Variants in FCSK observed in about 807,000 individuals in gnomAD.
FCSK encodes the protein L-fucose kinase.
A neutral mutation model predicts 122.5 loss-of-function variants in FCSK; 123 were observed. That is an observed-to-expected ratio of 1.00 (90% confidence interval 0.87 to 1.17). The LOEUF is 1.17. Ranked by LOEUF, FCSK falls within the 50% of genes most tolerant of loss-of-function variation. The probability of loss-of-function intolerance (pLI) is 0.00; values close to 1 mark genes in which losing one functional copy is unlikely to be tolerated. For synonymous variants in FCSK, 620 were observed against 625.5 expected, an observed-to-expected ratio of 0.99 and a Z score of 0.13; for missense variants, 1,366 against 1,450.4, an observed-to-expected ratio of 0.94 and a Z score of 0.95.
chr16:70,477,612 C>A (rs1224328004), intron 20 of FCSK: 2 of 152,272 alleles, frequency 1.3e-5, no homozygotes, highest in African/African-American at 4.8e-5. Flanking sequence ...CATAAACCAC[C>A]TGTCAGAAGA....
At chr16:70,476,973 A>G (rs1376848101) in intron 20 of FCSK, among the ~76,000 whole-genome samples, 1 of 152,198 alleles carries the variant, frequency 6.6e-6, no homozygotes, top group Non-Finnish European at 1.5e-5. Context: ...ACTCAGGTGC[A>G]TGTGTATTAC....
rs200386683 is a variant in FCSK, at chr16:70,463,791, G to A, written c.234+17G>A. The A allele has an allele frequency of 8.6e-5, 137 of 1,596,724 alleles. No individual in the cohort carries two copies. In the African/African-American group the frequency reaches 1.4e-3, roughly 17 times the overall value. ...GGCTTCACTGTGAGTGCTCACCAGGGCCACCTCCCTGGTCTGTGTCCCTGC... is the reference window on the plus strand; with the variant it reads ...GGCTTCACTGTGAGTGCTCACCAGGACCACCTCCCTGGTCTGTGTCCCTGC... On this transcript the variant is annotated intron_variant, in intron 3 of 23. Coordinates refer to ENST00000288078, the MANE Select transcript of FCSK (RefSeq NM_145059.3).
Position 70,478,049 on chromosome 16 carries a change from A to C in FCSK, c.2642-223A>C, listed in dbSNP as rs2048869692. On this transcript the variant is annotated intron_variant, in intron 20 of 23. Coordinates refer to ENST00000288078, the MANE Select transcript of FCSK (RefSeq NM_145059.3). The stretch of plus-strand genomic sequence containing the variant: ...TCCAATTATACATTAGGTCTAAAAC[A>C]AAACTCAGGCCTTGGGAATTCCAAG... 10 of 573,632 alleles carry C rather than the reference A, an allele frequency of 1.7e-5. 1 individual carries two copies. In the South Asian group the frequency reaches 2.2e-4, roughly 13 times the overall value. The allele number at this position is 573,632 out of a possible 1,614,324, so 35.5% of individuals were successfully genotyped here.
intron 9 of FCSK, 67 bp downstream of exon 9, chr16:70,469,035 G>C: frequency 6.2e-7 from 1 of 1,607,028 alleles, no homozygotes. Context: ...CCTCAGGCCA[G>C]CCACTTCCCC....
rs149607813 is a variant in FCSK at position 70,474,948 on chromosome 16, A to G, written c.2314A>G (p.Thr772Ala). ...LAVGPRQDEM[T>A]VKIVCRCLAD... ...GGTGGGGCCTCGGCAGGATGAGATG[A>G]CTGTGAAGATAGTGTGCCGGTGCCT... The change falls in exon 18 of 24, where the codon ACT (threonine) becomes GCT (alanine). Residue 772 changes from threonine (T) to alanine (A), a missense_variant. Thr to Ala is a moderately conservative substitution (Grantham distance 58). Coordinates refer to ENST00000288078, the MANE Select transcript of FCSK (RefSeq NM_145059.3). 5.6e-3 allele frequency: 9,076 copies of G among 1,611,660 alleles called. 48 individuals carry two copies. The highest frequency in any genetic ancestry group is 6.9e-3 in the Non-Finnish European group (8,184 of 1,179,332).
rs1404504232 is a variant in FCSK at position 70,474,858 on chromosome 16, G to C, written c.2224G>C (p.Val742Leu). ...GGAVLGLAVR[V>L]DGRRPIGARA... ...GGCTGTGCTGGGCCTGGCTGTGCGA[G>C]TGGACGGCCGCCGGCCCATCGGAGC... The change falls in exon 18 of 24, where the codon GTG becomes CTG. Residue 742 changes from valine to leucine, a missense_variant. Coordinates refer to ENST00000288078, the MANE Select transcript of FCSK (RefSeq NM_145059.3). 5.6e-6 allele frequency: 9 copies of C among 1,596,664 alleles called. No individual in the cohort carries two copies. In the East Asian group the frequency reaches 1.1e-4, roughly 20 times the overall value.
In FCSK at chr16:70,479,644, G is replaced by A. The variant is rs1270078023; in HGVS notation, c.3219G>A (p.Leu1073=). 6.2e-7 allele frequency: 1 copy of A among 1,614,094 alleles called. No individual in the cohort carries two copies. The highest frequency in any genetic ancestry group is 8.5e-7 in the Non-Finnish European group (1 of 1,179,982). ...VDTQGLSLKL[L]GTEASTCCPF... is the part of the protein sequence containing the mutation. ...CTCAGGGCCTGAGCCTGAAGCTGCT[G>A]GGGACCGAGGCCTCAACCTGTTGCC... Residue 1073 remains leucine, a synonymous_variant, in exon 24 of 24, where the codon CTG becomes CTA. Transcript: ENST00000288078.
intron 8 of FCSK, among the ~76,000 whole-genome samples, 187 bp from the exon 9 acceptor site, chr16:70,468,662 G>A (rs1567700958): frequency 6.6e-6 from 1 of 152,078 alleles, no homozygotes; most frequent in Admixed American, 6.5e-5. Flanking sequence ...GGGTGTCCCA[G>A]AAGGTGTCTT....
intron 2 of FCSK, among the ~76,000 whole-genome samples, 166 bp from the exon 3 acceptor site, chr16:70,463,457 G>A (rs183247209): frequency 4.1e-4 from 63 of 152,204 alleles, no homozygotes; most frequent in African/African-American, 1.3e-3. Flanking sequence ...CTGTAAGATG[G>A]GAGTAATATG....
At chr16:70,469,735 G>A (rs957865395) in intron 10 of FCSK, among the ~76,000 whole-genome samples, 1 of 151,988 alleles carries the variant, frequency 6.6e-6, no homozygotes, top group Non-Finnish European at 1.5e-5. Flanking sequence ...TCTATTTTTA[G>A]TTGGTCAGGC....
intron 1 of FCSK, 53 bp downstream of exon 1, chr16:70,454,683 T>TGCGCCCCCTGCGCCCCC (rs1555564909): frequency 1.0e-4 from 15 of 150,358 alleles, no homozygotes; most frequent in African/African-American, 3.7e-4. Flanking sequence ...CTTGCGCCCC[T>TGCGCCCCCTGCGCCCCC]TGCGCCCCCT....
intron 1 of FCSK, among the ~76,000 whole-genome samples, chr16:70,459,802 C>T (rs183725316): frequency 1.4e-5 from 2 of 143,478 alleles, no homozygotes; most frequent in South Asian, 2.1e-4. Context: ...GCAGTTTCTT[C>T]ATCTTTTTTT....
rs2048524767 is a variant in FCSK, at chr16:70,469,086, C to G, written c.784-66C>G. On this transcript the variant is annotated intron_variant, in intron 9 of 23. Coordinates refer to ENST00000288078, the MANE Select transcript of FCSK (RefSeq NM_145059.3). The stretch of plus-strand genomic sequence containing the variant: ...CTCCGCAGACGGGACTGCCCTGGTT[C>G]AGCCTCAGAACTTGGGGGCTGAACC... 1.9e-6 allele frequency: 3 copies of G among 1,608,972 alleles called. No individual in the cohort carries two copies. The East Asian group carries it at 6.7e-5, about 36-fold the overall frequency.
At position 70,478,315 on chromosome 16, in the gene FCSK, C is replaced by A. The variant is rs1055758329; in HGVS notation, c.2685C>A (p.Ile895=). The A allele has an allele frequency of 3.7e-6, 6 of 1,614,090 alleles. No individual in the cohort carries two copies. The highest frequency in any genetic ancestry group is 4.2e-6 in the Non-Finnish European group (5 of 1,180,056). The change falls in exon 21 of 24, where the codon ATC becomes ATA. Residue 895 remains isoleucine (I), a synonymous_variant. Coordinates refer to ENST00000288078, the MANE Select transcript of FCSK (RefSeq NM_145059.3). The part of the protein sequence containing the change: ...QDQVGGLMPG[I]KVGRSRAQLP... ...AAGTAGGTGGCCTAATGCCTGGCAT[C>A]AAGGTGGGGCGCTCCCGGGCTCAGC... is the stretch of plus-strand genomic sequence containing the variant.
At chr16:70,465,942 G>A (rs2048404998) in intron 4 of FCSK, among the ~76,000 whole-genome samples, 190 bp from the exon 5 acceptor site, 1 of 152,118 alleles carries the variant, frequency 6.6e-6, no homozygotes. Flanking sequence ...AACAGAGCAA[G>A]ACTTAGTCTA....
At position 70,479,740 on chromosome 16, in the gene FCSK, GC is replaced by G; in HGVS notation, c.*64del. The G allele has an allele frequency of 7.2e-7, 1 of 1,381,196 alleles. No homozygotes were observed. The allele number at this position is 1,381,196 out of a possible 1,614,324, so 85.6% of individuals were successfully genotyped here. Reference sequence around the variant, plus strand: ...AGCTACAGTGTCCCCCACCTTCCTTGCCCCATGGGAACCTCCACCTCCTACT... The same window carrying G: ...AGCTACAGTGTCCCCCACCTTCCTTGCCCATGGGAACCTCCACCTCCTACT... On this transcript the variant is annotated 3_prime_UTR_variant, in exon 24 of 24. Coordinates refer to ENST00000288078, the MANE Select transcript of FCSK (RefSeq NM_145059.3).
chr16:70,479,155 G>A (rs774050218), intron 22 of FCSK, 25 bp from the exon 23 acceptor site: 12 of 1,582,074 alleles, frequency 7.6e-6, no homozygotes, highest in African/African-American at 4.0e-5. Context: ...GCCCAGGCAC[G>A]TCACTCCCCT....
At chr16:70,454,687 G>T (rs1375584000) in intron 1 of FCSK, 57 bp downstream of exon 1, 1 of 152,132 alleles carries the variant, frequency 6.6e-6, no homozygotes, top group East Asian at 1.9e-4. Flanking sequence ...CGCCCCTTGC[G>T]CCCCCTCAGC....
In FCSK at chr16:70,473,488, T is replaced by C. The variant is rs1039516998; in HGVS notation, c.1777+135T>C. 4.4e-6 allele frequency: 5 copies of C among 1,139,194 alleles called. No individual in the cohort carries two copies. The African/African-American group carries it at 8.0e-5, about 18-fold the overall frequency. 70.6% of individuals were successfully genotyped at this position (1,139,194 alleles called of 1,614,324 possible). On this transcript the variant is annotated intron_variant, in intron 15 of 23. Coordinates refer to ENST00000288078, the MANE Select transcript of FCSK (RefSeq NM_145059.3). This position sits in a 1 kb window ranked among gnomAD's most constrained non-coding sequence, Gnocchi z 4.9. The stretch of plus-strand genomic sequence containing the variant: ...GGAAGGGGCATGCTGGAGTTTACTT[T>C]TAGGATTCTGGAAGGCCTCATCCTT...
Sources: allele counts gnomAD v4.1 joint callset (sites outside exome capture counted in the v4.1 genomes callset), GRCh38; gene constraint gnomAD v4.1.1; non-coding constraint Gnocchi (gnomAD v3.1); transcripts MANE v1.5; gene names NCBI Gene and HGNC (gene_info 2026-07-23, HGNC 2026-07-21).